The following WNT7B variants were observed in gnomAD, a reference collection of about 807,000 sequenced individuals.
The protein encoded by WNT7B is protein Wnt-7b.
In WNT7B, 19 loss-of-function variants were observed where a neutral mutation model predicts 38.2. The observed-to-expected ratio is 0.50, with a 90% CI of 0.35 to 0.73. The LOEUF is 0.73. WNT7B is among the 30% of genes least tolerant of loss of function. The pLI is 0.01. For missense variants in WNT7B, 423 were observed against 507.9 expected, an observed-to-expected ratio of 0.83 and a Z score of 1.61; for synonymous variants, 243 against 209.3, an observed-to-expected ratio of 1.16 and a Z score of -1.39.
Position 45,975,444 on chromosome 22 carries a change from C to T in WNT7B, c.71+1240G>A, listed in dbSNP as rs2146758900. 1.5e-6 allele frequency: 1 copy of T among 665,196 alleles called. No homozygotes were observed. The highest frequency in any genetic ancestry group is 2.8e-5 in the East Asian group (1 of 35,926). 41.2% of individuals were successfully genotyped at this position (665,196 alleles called of 1,614,324 possible). On this transcript the variant is annotated intron_variant, in intron 1 of 3. Coordinates refer to ENST00000339464, the MANE Select transcript of WNT7B (RefSeq NM_058238.3). The surrounding 1 kb of genome is among the most constrained non-coding windows in gnomAD (Gnocchi z 6.6). ...GGGCTACCGGCAGCCGCAGACACGC[C>T]CGCCCAGACCTGCAGGGCTCAGGCT...
chr22:45,944,322 A>G (rs1479113781), intron 2 of WNT7B, among the ~76,000 whole-genome samples: 4 of 152,146 alleles, frequency 2.6e-5, no homozygotes, highest in African/African-American at 9.7e-5. Flanking sequence ...CAGGGCCTCC[A>G]TGCCACCCCC....
chr22:45,956,464 C>A (rs1218057837), intron 1 of WNT7B, among the ~76,000 whole-genome samples: 1 of 152,198 alleles, frequency 6.6e-6, no homozygotes. Context: ...GGGCCCCAAG[C>A]CCGAGACCAG....
chr22:45,940,141 G>T (rs1180641463), intron 2 of WNT7B, among the ~76,000 whole-genome samples: 2 of 152,182 alleles, frequency 1.3e-5, no homozygotes, highest in African/African-American at 4.8e-5. Flanking sequence ...CACTGAAGCT[G>T]TGATGGACAC....
At chr22:45,926,996 GA>G in intron 3 of WNT7B, 1 of 985,436 alleles carries the variant, frequency 1.0e-6, no homozygotes, top group Non-Finnish European at 1.2e-6. Context: ...CTGGCTCCAG[GA>G]GCTGGTGGAA....
At chr22:45,963,254 CCACATCCCCCT>C (rs1036872119) in intron 1 of WNT7B, among the ~76,000 whole-genome samples, 2 of 152,154 alleles carry the variant, frequency 1.3e-5, no homozygotes, top group African/African-American at 4.8e-5. Context: ...ATGCATAATT[CCACATCCCCCT>C]CACCTTTCAA....
At chr22:45,959,919 CCCCCCAGAG>C (rs1932157788) in intron 1 of WNT7B, among the ~76,000 whole-genome samples, 1 of 152,188 alleles carries the variant, frequency 6.6e-6, no homozygotes, top group African/African-American at 2.4e-5. Flanking sequence ...GCATCCCAGA[CCCCCCAGAG>C]CCACAGGAGC....
At chr22:45,970,562 C>G (rs1932412431) in intron 1 of WNT7B, among the ~76,000 whole-genome samples, 1 of 151,960 alleles carries the variant, frequency 6.6e-6, no homozygotes, top group Admixed American at 6.6e-5. Context: ...CCCTTGCCTC[C>G]ACCTCCGCAG....
At position 45,976,692 on chromosome 22, in the gene WNT7B, C is replaced by T; in HGVS notation, c.63G>A (p.Val21=). The change falls in exon 1 of 4, where the codon GTG becomes GTA. Residue 21 remains valine, a synonymous_variant. Transcript: ENST00000339464. The surrounding 1 kb of genome is among the most constrained non-coding windows in gnomAD (Gnocchi z 8.5). ...YVFLCFGVLY[V]KLGALSSVVA... ...GCCCACGGGGTACTCACCCGAGCTT[C>T]ACGTACAGGACGCCAAAGCAGAGAA... is the stretch of plus-strand genomic sequence containing the variant. The T allele has an allele frequency of 1.9e-6, 3 of 1,609,290 alleles. No individual in the cohort carries two copies. The highest frequency in any genetic ancestry group is 2.5e-6 in the Non-Finnish European group (3 of 1,177,362).
At chr22:45,937,430 G>T (rs1601723183) in intron 2 of WNT7B, among the ~76,000 whole-genome samples, 1 of 152,188 alleles carries the variant, frequency 6.6e-6, no homozygotes, top group East Asian at 1.9e-4. Context: ...TGAGAGAATT[G>T]CTCCAATCTG....
In WNT7B at chr22:45,976,672, C is replaced by T. The variant is rs773424861; in HGVS notation, c.71+12G>A. The T allele has an allele frequency of 4.9e-5, 79 of 1,605,746 alleles. No individual in the cohort carries two copies. In the Admixed American group the frequency reaches 9.1e-4, roughly 18 times the overall value. On this transcript the variant is annotated intron_variant, in intron 1 of 3. Coordinates refer to ENST00000339464, the MANE Select transcript of WNT7B (RefSeq NM_058238.3). The surrounding 1 kb of genome is among the most constrained non-coding windows in gnomAD (Gnocchi z 8.5). ...GGCCCCTGGCTGCTGCCCTCGCCCA[C>T]GGGGTACTCACCCGAGCTTCACGTA...
At chr22:45,934,282 T>A (rs969957019) in intron 2 of WNT7B, among the ~76,000 whole-genome samples, 2 of 151,862 alleles carry the variant, frequency 1.3e-5, no homozygotes, top group Non-Finnish European at 2.9e-5. Context: ...GAGGCTAAGG[T>A]GACCTGGGGC....
At position 45,975,661 on chromosome 22, in the gene WNT7B, C is replaced by T. The variant is rs1932534943; in HGVS notation, c.71+1023G>A. 1 of 697,662 alleles carries T rather than the reference C, an allele frequency of 1.4e-6. No individual in the cohort carries two copies. Among genetic ancestry groups the T allele is most frequent in the Non-Finnish European group, 2.7e-6 (1 of 373,984 alleles). The allele number at this position is 697,662 out of a possible 1,614,324, so 43.2% of individuals were successfully genotyped here. A position where few individuals can be genotyped will look rare whatever the true frequency, so the allele number is the denominator to read the frequency against. The stretch of plus-strand genomic sequence containing the variant: ...TCCCACCAGTGGTACCTGCACCTGC[C>T]CCTCCCGCGGGTCTGTTCACCGCCT... On this transcript the variant is annotated intron_variant, in intron 1 of 3. Transcript: ENST00000339464. The surrounding 1 kb of genome is among the most constrained non-coding windows in gnomAD (Gnocchi z 6.6).
Position 45,927,452 on chromosome 22 carries a change from C to G in WNT7B, c.570+3646G>C. 1.9e-6 allele frequency: 3 copies of G among 1,549,190 alleles called. No individual in the cohort carries two copies. The South Asian group carries it at 3.6e-5, about 18-fold the overall frequency. The stretch of plus-strand genomic sequence containing the variant: ...CATGCCAGCTAGGGGAACGGCATAG[C>G]AACCCCCCAAATTCATGTCTGCTCA... On this transcript the variant is annotated intron_variant, in intron 3 of 3. Transcript: ENST00000339464.
At chr22:45,947,397 T>A (rs745887249) in intron 2 of WNT7B, among the ~76,000 whole-genome samples, 6 of 152,212 alleles carry the variant, frequency 3.9e-5, no homozygotes, top group Non-Finnish European at 5.9e-5. Context: ...GCTGCAGCCA[T>A]AGGGCAGAGC....
At chr22:45,929,714 GTGA>G (rs1931251817) in intron 3 of WNT7B, among the ~76,000 whole-genome samples, 1 of 85,826 alleles carries the variant, frequency 1.2e-5, no homozygotes, top group Non-Finnish European at 2.4e-5. Context: ...CCATCCACCC[GTGA>G]ATCCACTCAC....
chr22:45,927,769 G>T lies in WNT7B; in HGVS notation c.570+3329C>A, dbSNP rs560610427. On this transcript the variant is annotated intron_variant, in intron 3 of 3. Transcript: ENST00000339464. ...AAATTAGCTGGGCACAGTGGCACAC[G>T]CCTGTAATCCCAGCTATTCGGGAGG... Among the ~76,000 whole-genome samples, 7 of 152,322 alleles carry T rather than the reference G, an allele frequency of 4.6e-5. No individual in the cohort carries two copies. In the East Asian group the frequency reaches 1.3e-3, roughly 29 times the overall value.
intron 2 of WNT7B, among the ~76,000 whole-genome samples, chr22:45,933,722 C>G (rs1482722888): frequency 2.0e-5 from 3 of 152,186 alleles, no homozygotes; most frequent in Non-Finnish European, 4.4e-5. Context: ...TGGGTACAAT[C>G]TTAACAAGGA....
Position 45,975,653 on chromosome 22 carries a change from G to A in WNT7B, c.71+1031C>T. On this transcript the variant is annotated intron_variant, in intron 1 of 3. Transcript: ENST00000339464. The surrounding 1 kb of genome is among the most constrained non-coding windows in gnomAD (Gnocchi z 6.6). The stretch of plus-strand genomic sequence containing the variant: ...GCCGCGTCTCCCACCAGTGGTACCT[G>A]CACCTGCCCCTCCCGCGGGTCTGTT... 3 of 701,798 alleles carry A rather than the reference G, an allele frequency of 4.3e-6. No homozygotes were observed. Among genetic ancestry groups the A allele is most frequent in the Non-Finnish European group, 5.3e-6 (2 of 376,112 alleles). The allele number at this position is 701,798 out of a possible 1,614,324, so 43.5% of individuals were successfully genotyped here. A position where few individuals can be genotyped will look rare whatever the true frequency, so the allele number is the denominator to read the frequency against.
At chr22:45,943,241 C>T (rs978677459) in intron 2 of WNT7B, among the ~76,000 whole-genome samples, 1 of 152,224 alleles carries the variant, frequency 6.6e-6, no homozygotes, top group African/African-American at 2.4e-5. Flanking sequence ...CACCCGGACC[C>T]CACCCGGGCT....
Sources: allele counts gnomAD v4.1 joint callset (sites outside exome capture counted in the v4.1 genomes callset), GRCh38; gene constraint gnomAD v4.1.1; non-coding constraint Gnocchi (gnomAD v3.1); transcripts MANE v1.5; gene names NCBI Gene and HGNC (gene_info 2026-07-23, HGNC 2026-07-21).